SLC4A4: variants seen among roughly 807,000 people sequenced by gnomAD.
SLC4A4 encodes electrogenic sodium bicarbonate cotransporter 1.
Under a neutral mutation model 111.5 loss-of-function variants are expected in SLC4A4, and 27 were observed. The observed-to-expected ratio is 0.24, with a 90% CI of 0.18 to 0.33. The LOEUF (loss-of-function observed/expected upper bound fraction) is 0.33. Ranked by LOEUF, SLC4A4 falls within the 10% of genes least tolerant of loss-of-function variation. The probability of loss-of-function intolerance (pLI) is 1.00; values close to 1 mark genes in which losing one functional copy is unlikely to be tolerated. For missense variants in SLC4A4, 909 were observed against 1,315.5 expected (o/e 0.69, Z 4.78); for synonymous variants, 443 against 463.4 (o/e 0.96, Z 0.57).
At chr4:71,564,235 GTT>G (rs1737267071) in intron 24 of SLC4A4, among the ~76,000 whole-genome samples, 1 of 15,228 alleles carries the variant, frequency 6.6e-5, no homozygotes, top group Non-Finnish European at 2.8e-4. Flanking sequence ...CACTGTCACT[GTT>G]TGTCTTCCTT....
intron 11 of SLC4A4, among the ~76,000 whole-genome samples, chr4:71,452,257 A>C (rs186605017): frequency 6.6e-6 from 1 of 152,286 alleles, no homozygotes; most frequent in Non-Finnish European, 1.5e-5. Context: ...GAGAACATAA[A>C]ATCTTCTCTC....
intron 16 of SLC4A4, among the ~76,000 whole-genome samples, chr4:71,505,667 T>G: frequency 6.6e-6 from 1 of 152,208 alleles, no homozygotes; most frequent in Non-Finnish European, 1.5e-5. Context: ...GATCGTTTCT[T>G]TTGCTGGGCA....
In SLC4A4 at chr4:71,384,101, G is replaced by A. The variant is rs1013947726; in HGVS notation, c.731-13476G>A. On this transcript the variant is annotated intron_variant, in intron 6 of 25. Coordinates refer to ENST00000264485, the MANE Select transcript of SLC4A4 (RefSeq NM_001098484.3). ...TTTTCAATAAGAAGGAAATCCTGTG[G>A]CTGTCATAGCTCTGAACAGAATTTT... Among the ~76,000 whole-genome samples the A allele has an allele frequency of 3.3e-5, 5 of 152,160 alleles. No individual in the cohort carries two copies. In the South Asian group the frequency reaches 1.0e-3, roughly 32 times the overall value.
chr4:71,368,553 G>A (rs1357358805), intron 6 of SLC4A4, among the ~76,000 whole-genome samples: 1 of 152,142 alleles, frequency 6.6e-6, no homozygotes, highest in African/African-American at 2.4e-5. Context: ...TTGTGCATAA[G>A]ATCCATAGAC....
chr4:71,528,791 A>G (rs1258572125), intron 16 of SLC4A4, among the ~76,000 whole-genome samples: 1 of 152,086 alleles, frequency 6.6e-6, no homozygotes, highest in African/African-American at 2.4e-5. Context: ...AAAATATCAA[A>G]TGAAATAGAA....
At chr4:71,266,752 A>G (rs1578712089) in intron 3 of SLC4A4, among the ~76,000 whole-genome samples, 1 of 152,312 alleles carries the variant, frequency 6.6e-6, no homozygotes, top group Admixed American at 6.5e-5. Context: ...AGCCACTGTA[A>G]CAGGATGAGG....
chr4:71,368,614 C>T (rs1731560825), intron 6 of SLC4A4, among the ~76,000 whole-genome samples: 1 of 152,176 alleles, frequency 6.6e-6, no homozygotes, highest in Non-Finnish European at 1.5e-5. Context: ...CGACACCCTG[C>T]CCCCTGTGCT....
At chr4:71,151,245 G>C (rs985413057) in intron 2 of SLC4A4, among the ~76,000 whole-genome samples, 1 of 152,174 alleles carries the variant, frequency 6.6e-6, no homozygotes, top group Non-Finnish European at 1.5e-5. Flanking sequence ...ACTAACATTT[G>C]TTGTGTGTTT....
chr4:71,161,314 A>G (rs1050033778), intron 2 of SLC4A4, among the ~76,000 whole-genome samples: 4 of 152,210 alleles, frequency 2.6e-5, no homozygotes, highest in Non-Finnish European at 5.9e-5. Flanking sequence ...CATTAACTCT[A>G]CACGAACACT....
Position 71,267,791 on chromosome 4 carries a change from C to CAAAAAAAAAA in SLC4A4, c.253+12410_253+12419dup, listed in dbSNP as rs71212002. 8.3e-4 allele frequency among the ~76,000 whole-genome samples: 52 copies of CAAAAAAAAAA among 62,358 alleles called. 3 individuals carry two copies. Among genetic ancestry groups the CAAAAAAAAAA allele is most frequent in the African/African-American group, 3.7e-3 (43 of 11,548 alleles). 40.9% of individuals were successfully genotyped at this position (62,358 alleles called of 152,430 possible). A position where few individuals can be genotyped will look rare whatever the true frequency, so the allele number is the denominator to read the frequency against. On this transcript the variant is annotated intron_variant, in intron 3 of 25. Coordinates refer to ENST00000264485, the MANE Select transcript of SLC4A4 (RefSeq NM_001098484.3). ...CCTGGATGACAGAGTGAGAGTCTGC[C>CAAAAAAAAAA]AAAAAAAAAAAAAAAAAAAAAAAAA... is the stretch of plus-strand genomic sequence containing the variant.
chr4:71,399,051 G>A (rs763759079), intron 7 of SLC4A4, among the ~76,000 whole-genome samples: 39 of 152,146 alleles, frequency 2.6e-4, no homozygotes, highest in African/African-American at 8.7e-4. Context: ...CATAGCAACT[G>A]TTTACATAGC....
chr4:71,204,676 CTT>C (rs1670468494), intron 1 of SLC4A4, among the ~76,000 whole-genome samples: 1 of 152,064 alleles, frequency 6.6e-6, no homozygotes. Context: ...ATAAAGATAA[CTT>C]TAAGTGGAAA....
chr4:71,148,400 T>A lies in SLC4A4; in HGVS notation c.-2+55608T>A, dbSNP rs367700181. On this transcript the variant is annotated intron_variant, in intron 2 of 26. Coordinates refer to the SLC4A4 transcript ENST00000649996. ...CAAAGAAATTAATTTTCTTTCTTTT[T>A]TTAATTTAACTTTTAAGTTGGGGTA... Among the ~76,000 whole-genome samples the A allele has an allele frequency of 5.9e-5, 9 of 152,300 alleles. No homozygotes were observed. The East Asian group carries it at 1.3e-3, about 23-fold the overall frequency.
At chr4:71,320,931 G>A (rs775311398) in intron 3 of SLC4A4, among the ~76,000 whole-genome samples, 5 of 151,914 alleles carry the variant, frequency 3.3e-5, no homozygotes, top group Non-Finnish European at 7.4e-5. Flanking sequence ...TACTTATCTC[G>A]CCACTGATGA....
At chr4:71,130,679 T>C (rs1743678033) in intron 2 of SLC4A4, among the ~76,000 whole-genome samples, 1 of 152,236 alleles carries the variant, frequency 6.6e-6, no homozygotes, top group African/African-American at 2.4e-5. Flanking sequence ...TTGAAGCATC[T>C]CTTTTATTGT....
intron 1 of SLC4A4, among the ~76,000 whole-genome samples, chr4:71,072,889 TC>T: frequency 6.6e-6 from 1 of 152,170 alleles, no homozygotes; most frequent in South Asian, 2.1e-4. Context: ...CACCTCAATC[TC>T]CTGAGAAGCT....
At chr4:71,352,830 G>C (rs1729964786) in intron 5 of SLC4A4, among the ~76,000 whole-genome samples, 2 of 152,206 alleles carry the variant, frequency 1.3e-5, no homozygotes, top group Admixed American at 6.5e-5. Context: ...TCATGAACGG[G>C]AGACAAGATT....
rs184367216 is a variant in SLC4A4 at position 71,443,567 on chromosome 4, A to G, written c.965+2794A>G. ...GTGCTGGGAATAGAACTTTAAATAGATTTCTGAATCTGAGACAAGAGTTTT... is the reference window on the plus strand; with the variant it reads ...GTGCTGGGAATAGAACTTTAAATAGGTTTCTGAATCTGAGACAAGAGTTTT... On this transcript the variant is annotated intron_variant, in intron 8 of 25. Transcript: ENST00000264485. Among the ~76,000 whole-genome samples the G allele has an allele frequency of 1.4e-3, 211 of 152,278 alleles. 2 individuals are homozygous for G. The South Asian group carries it at 0.015, about 11-fold the overall frequency.
chr4:71,165,245 C>T (rs1339331006), intron 2 of SLC4A4, among the ~76,000 whole-genome samples: 1 of 152,200 alleles, frequency 6.6e-6, no homozygotes, highest in Admixed American at 6.5e-5. Flanking sequence ...TACAAAGAAA[C>T]TTGCACACGT....
Sources: allele counts gnomAD v4.1 joint callset (sites outside exome capture counted in the v4.1 genomes callset), GRCh38; gene constraint gnomAD v4.1.1; transcripts MANE v1.5; gene names NCBI Gene and HGNC (gene_info 2026-07-23, HGNC 2026-07-21).